Variants in MKLN1 observed in about 807,000 individuals in gnomAD.
The protein encoded by MKLN1 is muskelin 1.
MKLN1 carries 18 observed loss-of-function variants against 99.0 expected under a neutral mutation model. That is an observed-to-expected ratio of 0.18 (90% CI 0.13 to 0.27). The LOEUF (loss-of-function observed/expected upper bound fraction) is 0.27, where lower values mean the gene tolerates loss of function less well. MKLN1 is among the 10% of genes least tolerant of loss of function. The probability of loss-of-function intolerance (pLI) is 1.00; values close to 1 mark genes in which losing one functional copy is unlikely to be tolerated. For missense variants in MKLN1, 621 were observed against 875.9 expected, an observed-to-expected ratio of 0.71 and a Z score of 3.67; for synonymous variants, 288 against 293.2, an observed-to-expected ratio of 0.98 and a Z score of 0.18.
chr7:131,231,011 T>G (rs1467178044), intron 3 of MKLN1, among the ~76,000 whole-genome samples: 1 of 143,610 alleles, frequency 7.0e-6, no homozygotes, highest in African/African-American at 2.6e-5. Flanking sequence ...TCCCAGCTAC[T>G]TGGGAGGCCG....
In MKLN1 at chr7:131,437,805, G is replaced by A. The variant is rs780414183; in HGVS notation, c.981G>A (p.Ser327=). The change falls in exon 10 of 18, where the codon TCG becomes TCA. Residue 327 remains serine (S), a synonymous_variant. Transcript: ENST00000352689. ...TEKENGPSAR[S]CHKMCIDIQR... is the part of the protein sequence containing the mutation. ...TACAGAATGGTCCTAGTGCCAGATC[G>A]TGTCATAAAATGTGCATTGATATTC... 9.3e-6 allele frequency: 15 copies of A among 1,612,928 alleles called. No individual in the cohort carries two copies. Among genetic ancestry groups the A allele is most frequent in the African/African-American group, 2.7e-5 (2 of 74,728 alleles).
In MKLN1 at chr7:131,387,019, A is replaced by G. The variant is rs1378407082; in HGVS notation, c.169-101A>G. On this transcript the variant is annotated intron_variant, in intron 2 of 17. Coordinates refer to ENST00000352689, the MANE Select transcript of MKLN1 (RefSeq NM_013255.5). ...ATCTGCTAGTACAGGATGGACAAGG[A>G]TGGACCTTATACATTCTTCTGTTAA... The G allele has an allele frequency of 5.5e-6, 6 of 1,096,286 alleles. No homozygotes were observed. In the South Asian group the frequency reaches 6.6e-5, roughly 12 times the overall value. 67.9% of individuals were successfully genotyped at this position (1,096,286 alleles called of 1,614,324 possible).
At chr7:131,323,705 G>A (rs1798829906), upstream of MKLN1, 1 of 152,142 alleles carries the variant, frequency 6.6e-6, no homozygotes, top group Non-Finnish European at 1.5e-5. Context: ...AGTGACCAAA[G>A]CCAGGAATGT....
At position 131,247,235 on chromosome 7, in the gene MKLN1, C is replaced by T. The variant is rs201174851; in HGVS notation, c.-179+44261C>T. ...TTACCTTTTCTTCTTTTTCTTTTTT[C>T]TTTTTTTTTTTTTTGTCACCATGGC... On this transcript the variant is annotated intron_variant, in intron 3 of 7. Transcript: ENST00000416992. 2.5e-4 allele frequency among the ~76,000 whole-genome samples: 35 copies of T among 141,142 alleles called. No homozygotes were observed. In the East Asian group the frequency reaches 3.0e-3, roughly 12 times the overall value. 92.6% of individuals were successfully genotyped at this position (141,142 alleles called of 152,430 possible).
At chr7:131,298,682 C>T (rs1798331195) in intron 3 of MKLN1, among the ~76,000 whole-genome samples, 1 of 152,178 alleles carries the variant, frequency 6.6e-6, no homozygotes, top group Non-Finnish European at 1.5e-5. Flanking sequence ...TGTTAGTTGT[C>T]TGCTGACCTA....
intron 3 of MKLN1, among the ~76,000 whole-genome samples, chr7:131,215,794 G>A (rs7793998): frequency 0.75 from 114,033 of 152,086 alleles, 43,178 homozygotes; most frequent in East Asian, 0.97. Context: ...GCTTGATCCA[G>A]TTTCCTGTCT....
chr7:131,461,085 G>A lies in MKLN1; in HGVS notation c.1526-2132G>A, dbSNP rs375873005. On this transcript the variant is annotated intron_variant, in intron 12 of 17. Transcript: ENST00000352689. ...CCAGAATCCTCAGATGCTCAAGTCC[G>A]TGATATGGTGTAACCTACGCACATT... Among the ~76,000 whole-genome samples, 4 of 152,220 alleles carry A rather than the reference G, an allele frequency of 2.6e-5. No homozygotes were observed. In the South Asian group the frequency reaches 6.2e-4, roughly 24 times the overall value.
intron 15 of MKLN1, among the ~76,000 whole-genome samples, chr7:131,468,368 A>C (rs1314931033): frequency 6.6e-6 from 1 of 152,254 alleles, no homozygotes; most frequent in African/African-American, 2.4e-5. Flanking sequence ...TGAATTGGGT[A>C]GAACACAGAA....
At chr7:131,309,420 G>A (rs1798522427) in intron 3 of MKLN1, among the ~76,000 whole-genome samples, 1 of 150,300 alleles carries the variant, frequency 6.7e-6, no homozygotes, top group South Asian at 2.1e-4. Flanking sequence ...TTTTTTTTTG[G>A]AGGCAGTTTC....
intron 3 of MKLN1, among the ~76,000 whole-genome samples, chr7:131,247,096 T>C (rs946193366): frequency 9.9e-5 from 15 of 152,182 alleles, no homozygotes; most frequent in African/African-American, 3.6e-4. Context: ...TGTTCTGTTG[T>C]TTATTTTGGT....
chr7:131,160,029 C>T (rs1180891896), intron 2 of MKLN1, among the ~76,000 whole-genome samples: 1 of 152,064 alleles, frequency 6.6e-6, no homozygotes, highest in Non-Finnish European at 1.5e-5. Flanking sequence ...AGAACACTTC[C>T]GTCATCCTAG....
intron 12 of MKLN1, among the ~76,000 whole-genome samples, chr7:131,457,055 A>G (rs1031955893): frequency 6.6e-6 from 1 of 152,324 alleles, no homozygotes; most frequent in East Asian, 1.9e-4. Context: ...AGGCAGGCAG[A>G]TAACCTGAGG....
At chr7:131,112,702 C>G (rs1288818455) in intron 1 of MKLN1, among the ~76,000 whole-genome samples, 1 of 152,146 alleles carries the variant, frequency 6.6e-6, no homozygotes, top group Non-Finnish European at 1.5e-5. Context: ...CATGCCTAGC[C>G]TTTCAGTCAT....
intron 17 of MKLN1, among the ~76,000 whole-genome samples, chr7:131,483,634 G>C (rs1313115052): frequency 6.6e-6 from 1 of 152,132 alleles, no homozygotes; most frequent in Non-Finnish European, 1.5e-5. Context: ...TTTGCACTTA[G>C]GAATGCCAGA....
chr7:131,380,295 C>G (rs932924184), intron 2 of MKLN1, among the ~76,000 whole-genome samples: 1 of 151,904 alleles, frequency 6.6e-6, no homozygotes, highest in Non-Finnish European at 1.5e-5. Context: ...TGGTGTCTAT[C>G]AAAATAGAGG....
intron 1 of MKLN1, among the ~76,000 whole-genome samples, chr7:131,350,309 C>T (rs901196171): frequency 1.3e-5 from 2 of 151,912 alleles, no homozygotes; most frequent in African/African-American, 2.4e-5. Flanking sequence ...ACTCCTTCAC[C>T]TCAGCCTCCC....
intron 8 of MKLN1, among the ~76,000 whole-genome samples, chr7:131,427,859 C>T (rs965772473): frequency 0.17 from 29 of 170 alleles, no homozygotes; most frequent in Non-Finnish European, 0.26. Flanking sequence ...AAATTGGAAA[C>T]GCCTATTATT....
chr7:131,200,574 G>A (rs761482356), intron 2 of MKLN1, among the ~76,000 whole-genome samples: 18 of 152,264 alleles, frequency 1.2e-4, no homozygotes, highest in Non-Finnish European at 2.2e-4. Context: ...TTTACATTGA[G>A]AAAATATGGG....
At chr7:131,359,892 C>T (rs1375566703) in intron 1 of MKLN1, among the ~76,000 whole-genome samples, 1 of 151,956 alleles carries the variant, frequency 6.6e-6, no homozygotes, top group Non-Finnish European at 1.5e-5. Flanking sequence ...CACCACCACG[C>T]CTAGCTAATT....
Sources: gnomAD v4.1 joint callset for allele counts (sites outside exome capture counted in the v4.1 genomes callset) on GRCh38, gnomAD v4.1.1 for gene constraint, MANE v1.5 for transcripts, NCBI Gene and HGNC (gene_info 2026-07-23, HGNC 2026-07-21) for gene names.